DIP2B: variants seen among roughly 807,000 people sequenced by gnomAD.
DIP2B encodes disco-interacting protein 2 homolog B.
DIP2B carries 76 observed loss-of-function variants against 198.0 expected under a neutral mutation model. That is an observed-to-expected ratio of 0.38 (90% CI 0.32 to 0.46). The LOEUF (loss-of-function observed/expected upper bound fraction) is 0.46, where lower values mean the gene tolerates loss of function less well. DIP2B is among the 20% of genes least tolerant of loss of function. The pLI is 0.99. For missense variants in DIP2B, 1,559 were observed against 1,978.4 expected (o/e 0.79, Z 4.02); for synonymous variants, 701 against 739.1 (o/e 0.95, Z 0.84).
rs1940349053 is a variant in DIP2B at position 50,746,970 on chromosome 12, G to A, written c.*2131G>A. Reference sequence around the variant, plus strand: ...AAATACTATAATGAGAGCCACATCTGTAATTTAAATGTTTCTAGTAACCAC... The same window carrying A: ...AAATACTATAATGAGAGCCACATCTATAATTTAAATGTTTCTAGTAACCAC... On this transcript the variant is annotated 3_prime_UTR_variant, in exon 38 of 38. Transcript: ENST00000301180. 1.3e-5 allele frequency: 2 copies of A among 152,160 alleles called. No homozygotes were observed. Among genetic ancestry groups the A allele is most frequent in the African/African-American group, 2.4e-5 (1 of 41,430 alleles). 9.4% of individuals were successfully genotyped at this position (152,160 alleles called of 1,614,324 possible). A position where few individuals can be genotyped will look rare whatever the true frequency, so the allele number is the denominator to read the frequency against.
At chr12:50,602,723 G>C (rs2139444201) in intron 1 of DIP2B, among the ~76,000 whole-genome samples, 1 of 151,798 alleles carries the variant, frequency 6.6e-6, no homozygotes, top group South Asian at 2.1e-4. Context: ...GCTGGGCATG[G>C]TGGTGCACAC....
At chr12:50,559,874 C>G (rs1958503787) in intron 1 of DIP2B, among the ~76,000 whole-genome samples, 1 of 152,030 alleles carries the variant, frequency 6.6e-6, no homozygotes, top group Non-Finnish European at 1.5e-5. Context: ...TGTAGCACAC[C>G]AAATTTAATA....
rs1027461444 is a variant in DIP2B at position 50,746,965 on chromosome 12, C to T, written c.*2126C>T. 2.0e-5 allele frequency: 3 copies of T among 152,138 alleles called. No homozygotes were observed. The highest frequency in any genetic ancestry group is 4.8e-5 in the African/African-American group (2 of 41,424). The allele number at this position is 152,138 out of a possible 1,614,324, so 9.4% of individuals were successfully genotyped here. On this transcript the variant is annotated 3_prime_UTR_variant, in exon 38 of 38. Coordinates refer to ENST00000301180, the MANE Select transcript of DIP2B (RefSeq NM_173602.3). ...ACTGTAAATACTATAATGAGAGCCACATCTGTAATTTAAATGTTTCTAGTA... is the reference window on the plus strand; with the variant it reads ...ACTGTAAATACTATAATGAGAGCCATATCTGTAATTTAAATGTTTCTAGTA...
intron 2 of DIP2B, among the ~76,000 whole-genome samples, chr12:50,631,520 C>T (rs549161394): frequency 1.5e-4 from 23 of 152,180 alleles, no homozygotes; most frequent in South Asian, 6.2e-4. Context: ...CCACCGTGCC[C>T]GGCCCTGATT....
chr12:50,717,150 G>C (rs2139580748), intron 23 of DIP2B, among the ~76,000 whole-genome samples: 1 of 151,316 alleles, frequency 6.6e-6, no homozygotes, highest in East Asian at 1.9e-4. Flanking sequence ...TTGCCATGTT[G>C]GCCAGGCTGG....
intron 5 of DIP2B, among the ~76,000 whole-genome samples, chr12:50,671,849 T>G (rs1938860883): frequency 6.6e-6 from 1 of 152,242 alleles, no homozygotes; most frequent in African/African-American, 2.4e-5. Flanking sequence ...TGACTGGATT[T>G]GTTGTCCTTG....
chr12:50,517,154 C>T (rs1050874166), intron 1 of DIP2B, among the ~76,000 whole-genome samples: 16 of 152,056 alleles, frequency 1.1e-4, no homozygotes, highest in Non-Finnish European at 1.5e-4. Flanking sequence ...CTTCTGACCT[C>T]GTGATCCACC....
intron 1 of DIP2B, among the ~76,000 whole-genome samples, chr12:50,576,366 AT>A (rs757139522): frequency 4.7e-5 from 7 of 149,736 alleles, no homozygotes; most frequent in Admixed American, 6.6e-5. Context: ...TGCACCCAGC[AT>A]TTTTTTTTTT....
chr12:50,683,013 C>A (rs768291228), intron 9 of DIP2B, 125 bp from the exon 10 acceptor site: 113 of 782,962 alleles, frequency 1.4e-4, no homozygotes, highest in Non-Finnish European at 2.1e-4. Flanking sequence ...TCCTTTAGAG[C>A]AGATGGCTGT....
At chr12:50,607,083 A>C (rs982665068) in intron 1 of DIP2B, among the ~76,000 whole-genome samples, 1 of 150,832 alleles carries the variant, frequency 6.6e-6, no homozygotes, top group African/African-American at 2.4e-5. Flanking sequence ...CTGGGACTAC[A>C]GGCATGGGCC....
At chr12:50,699,331 C>G (rs575267640) in intron 19 of DIP2B, 129 bp downstream of exon 19, 1 of 1,378,894 alleles carries the variant, frequency 7.3e-7, no homozygotes, top group Middle Eastern at 1.9e-4. Flanking sequence ...CTAGACTTGC[C>G]TAAGTTCAAA....
rs1398606856 is a variant in DIP2B at position 50,747,056 on chromosome 12, A to G, written c.*2217A>G. The G allele has an allele frequency of 3.9e-5, 6 of 152,230 alleles. No homozygotes were observed. The highest frequency in any genetic ancestry group is 1.9e-4 in the East Asian group (1 of 5,206). The allele number at this position is 152,230 out of a possible 1,614,324, so 9.4% of individuals were successfully genotyped here. A position where few individuals can be genotyped will look rare whatever the true frequency, so the allele number is the denominator to read the frequency against. On this transcript the variant is annotated 3_prime_UTR_variant, in exon 38 of 38. Transcript: ENST00000301180. ...ATTTAAATATATTTTATTTAACCCA[A>G]TAGCTCAAAAACACTATCATTTCAA...
chr12:50,674,662 T>A (rs780767327), intron 6 of DIP2B, 33 bp downstream of exon 6: 58 of 1,610,156 alleles, frequency 3.6e-5, no homozygotes, highest in Non-Finnish European at 8.5e-7. Context: ...TCAATTGTAG[T>A]GTAAACTAAA....
chr12:50,683,611 C>G (rs900235311), intron 10 of DIP2B, among the ~76,000 whole-genome samples: 1 of 151,816 alleles, frequency 6.6e-6, no homozygotes, highest in African/African-American at 2.4e-5. Context: ...GAAACCCCGT[C>G]TCTACTAAAA....
intron 3 of DIP2B, among the ~76,000 whole-genome samples, chr12:50,656,763 G>A (rs148951033): frequency 0.012 from 1,808 of 152,140 alleles, 43 homozygotes; most frequent in African/African-American, 0.041. Context: ...GTGGAGATGG[G>A]GTTTTGCCAC....
At chr12:50,508,359 A>G (rs905960716) in intron 1 of DIP2B, among the ~76,000 whole-genome samples, 12 of 152,198 alleles carry the variant, frequency 7.9e-5, no homozygotes, top group African/African-American at 2.7e-4. Context: ...ACTTATGTAT[A>G]TGGTCTAGTC....
chr12:50,747,888 G>C lies in DIP2B; in HGVS notation c.*3049G>C, dbSNP rs944470758. 6.6e-6 allele frequency: 1 copy of C among 152,564 alleles called. No individual in the cohort carries two copies. The highest frequency in any genetic ancestry group is 2.4e-5 in the African/African-American group (1 of 41,426). 9.5% of individuals were successfully genotyped at this position (152,564 alleles called of 1,614,324 possible). A position where few individuals can be genotyped will look rare whatever the true frequency, so the allele number is the denominator to read the frequency against. ...GATCCTAGGAATTCAGTGAGACCCT[G>C]GGAAGGACCAGCATGCTAATCAGTG... On this transcript the variant is annotated 3_prime_UTR_variant, in exon 38 of 38. Transcript: ENST00000301180.
intron 1 of DIP2B, among the ~76,000 whole-genome samples, chr12:50,579,611 CAAAAAAAAAAAAAAAAA>C (rs1160480924): frequency 4.8e-3 from 33 of 6,880 alleles, no homozygotes; most frequent in East Asian, 0.044. Flanking sequence ...GACTCCGTCT[CAAAAAAAAAAAAAAAAA>C]AAAAAAAAAA....
chr12:50,657,473 C>T (rs568780912), intron 3 of DIP2B, among the ~76,000 whole-genome samples: 41 of 152,190 alleles, frequency 2.7e-4, no homozygotes, highest in African/African-American at 9.6e-4. Context: ...CAGACACCTC[C>T]TGACATCATG....
Sources: gnomAD v4.1 joint callset for allele counts (sites outside exome capture counted in the v4.1 genomes callset) on GRCh38, gnomAD v4.1.1 for gene constraint, MANE v1.5 for transcripts, NCBI Gene and HGNC (gene_info 2026-07-23, HGNC 2026-07-21) for gene names.